DYNC2LI1: variants seen among roughly 807,000 people sequenced by gnomAD.
DYNC2LI1 encodes the protein cytoplasmic dynein 2 light intermediate chain 1.
In DYNC2LI1, 45 loss-of-function variants were observed where a neutral mutation model predicts 51.9. The ratio of observed to expected loss-of-function variants is 0.87; its 90% CI spans 0.68 to 1.11. DYNC2LI1 has a LOEUF of 1.11. Among genes scored for constraint, DYNC2LI1 ranks in the 50% most tolerant of loss-of-function variants. The pLI is 0.00. For missense variants in DYNC2LI1, 490 were observed against 417.4 expected, an observed-to-expected ratio of 1.17 and a Z score of -1.51; for synonymous variants, 130 against 137.8, an observed-to-expected ratio of 0.94 and a Z score of 0.40.
the DYNC2LI1 span, chr2:43,826,583 C>A: frequency 6.2e-7 from 1 of 1,611,344 alleles, no homozygotes; most frequent in South Asian, 1.1e-5. Context: ...GTGCTTAAAA[C>A]TCAGAGTTCT....
chr2:43,824,337 T>C, the DYNC2LI1 span: 6 of 1,614,220 alleles, frequency 3.7e-6, no homozygotes, highest in Non-Finnish European at 5.1e-6. Context: ...TTATGACAAA[T>C]TGCTGATTTC....
intron 2 of DYNC2LI1, 85 bp downstream of exon 2, chr2:43,776,984 A>G (rs1673056547): frequency 1.7e-5 from 12 of 710,770 alleles, no homozygotes; most frequent in Non-Finnish European, 2.9e-5. Context: ...AAATGTAGAT[A>G]CTTCAACACT....
chr2:43,815,895 G>GT, the DYNC2LI1 span, among the ~76,000 whole-genome samples: 1 of 119,918 alleles, frequency 8.3e-6, no homozygotes, highest in African/African-American at 3.5e-5. Flanking sequence ...TGAGGGCAGA[G>GT]TAAGAACAGG....
chr2:43,799,531 A>G lies in DYNC2LI1; in HGVS notation c.655-1310A>G, dbSNP rs148438156. On this transcript the variant is annotated intron_variant, in intron 8 of 12. Transcript: ENST00000260605. ...ATTCTAAGGTCCAGAAAAAGGAATC[A>G]ATAGAGTTTACTCAAAATATGAAAG... Among the ~76,000 whole-genome samples the G allele has an allele frequency of 3.2e-3, 489 of 150,684 alleles. 1 individual carries two copies. Among genetic ancestry groups the G allele is most frequent in the South Asian group, 0.015 (71 of 4,824 alleles).
chr2:43,794,587 A>G lies in DYNC2LI1; in HGVS notation c.451A>G (p.Lys151Glu), dbSNP rs368515052. 1.4e-5 allele frequency: 23 copies of G among 1,614,136 alleles called. No individual in the cohort carries two copies. The African/African-American group carries it at 2.9e-4, about 21-fold the overall frequency. ...AATGAAACTGGGAAAGACAAATGCTAAAGCAGTTTCTGAAATGAGACAGAA... is the reference window on the plus strand; with the variant it reads ...AATGAAACTGGGAAAGACAAATGCTGAAGCAGTTTCTGAAATGAGACAGAA... ...VIMKLGKTNA[K>E]AVSEMRQKIW... The change falls in exon 6 of 13, where the codon AAA becomes GAA. Residue 151 changes from lysine to glutamate, a missense_variant. Lys to Glu is a moderately conservative substitution (Grantham distance 56). Coordinates refer to ENST00000260605, the MANE Select transcript of DYNC2LI1 (RefSeq NM_016008.4).
At chr2:43,822,175 C>T in the DYNC2LI1 span, among the ~76,000 whole-genome samples, 1 of 152,178 alleles carries the variant, frequency 6.6e-6, no homozygotes, top group East Asian at 1.9e-4. Flanking sequence ...CTCCATCTTA[C>T]ACCTTCCCTT....
intron 1 of DYNC2LI1, among the ~76,000 whole-genome samples, chr2:43,775,421 C>T (rs1317158758): frequency 6.6e-6 from 1 of 151,560 alleles, no homozygotes; most frequent in Non-Finnish European, 1.5e-5. Flanking sequence ...AGTTATATAT[C>T]TGTGTAAAGA....
At chr2:43,823,499 G>A in the DYNC2LI1 span, among the ~76,000 whole-genome samples, 1 of 152,116 alleles carries the variant, frequency 6.6e-6, no homozygotes, top group Admixed American at 6.5e-5. Context: ...TTTGTCTCTG[G>A]AATTCCACTG....
the DYNC2LI1 span, chr2:43,822,451 T>C: frequency 1.1e-6 from 1 of 916,202 alleles, no homozygotes; most frequent in Non-Finnish European, 1.3e-6. Context: ...AGGTTTTACA[T>C]TCAGGCTGCT....
intron 3 of DYNC2LI1, among the ~76,000 whole-genome samples, chr2:43,785,744 T>G (rs13427541): frequency 0.12 from 18,720 of 151,582 alleles, 1,516 homozygotes; most frequent in Admixed American, 0.22. Flanking sequence ...TATAGTATGA[T>G]TCCACTTATA....
intron 12 of DYNC2LI1, among the ~76,000 whole-genome samples, chr2:43,807,608 T>G (rs979078934): frequency 6.6e-6 from 1 of 151,866 alleles, no homozygotes; most frequent in African/African-American, 2.4e-5. Context: ...CCCGGGTAAT[T>G]TTTTTGTTTT....
At chr2:43,815,750 C>T in the DYNC2LI1 span, among the ~76,000 whole-genome samples, 22 of 151,998 alleles carry the variant, frequency 1.4e-4, no homozygotes, top group East Asian at 5.8e-4. Flanking sequence ...GAGGGGAGCT[C>T]GGAACAATAG....
chr2:43,774,667 A>G (rs1672928970), intron 1 of DYNC2LI1, among the ~76,000 whole-genome samples: 1 of 152,234 alleles, frequency 6.6e-6, no homozygotes, highest in Non-Finnish European at 1.5e-5. Flanking sequence ...CCTTTTCTCA[A>G]CAATTTATGC....
Position 43,809,838 on chromosome 2 carries a change from A to T in DYNC2LI1, c.*71A>T. ...AATAAGATTATACTGTGAATTAACT[A>T]TTGTGGCAATATGTGAAGAAAGTTA... On this transcript the variant is annotated 3_prime_UTR_variant, in exon 13 of 13. Coordinates refer to ENST00000260605, the MANE Select transcript of DYNC2LI1 (RefSeq NM_016008.4). 6.6e-7 allele frequency: 1 copy of T among 1,526,576 alleles called. No homozygotes were observed. The allele number at this position is 1,526,576 out of a possible 1,614,324, so 94.6% of individuals were successfully genotyped here. A position where few individuals can be genotyped will look rare whatever the true frequency, so the allele number is the denominator to read the frequency against.
At chr2:43,783,486 A>G (rs1163727125) in intron 2 of DYNC2LI1, 34 bp from the exon 3 acceptor site, 21 of 1,486,582 alleles carry the variant, frequency 1.4e-5, no homozygotes, top group Admixed American at 2.4e-5. Flanking sequence ...TATGAGTGAC[A>G]TTAACGCAGT....
chr2:43,777,741 C>T (rs1342240143), intron 2 of DYNC2LI1, among the ~76,000 whole-genome samples: 1 of 152,194 alleles, frequency 6.6e-6, no homozygotes, highest in Non-Finnish European at 1.5e-5. Context: ...CCTGAGCACC[C>T]GTCTTGTCTC....
the DYNC2LI1 span, among the ~76,000 whole-genome samples, chr2:43,827,257 G>T: frequency 2.6e-5 from 4 of 151,642 alleles, no homozygotes; most frequent in Non-Finnish European, 5.9e-5. Flanking sequence ...CCTGGGAGGT[G>T]GAGGTTGCAG....
At chr2:43,824,819 T>C in the DYNC2LI1 span, 71 of 1,596,594 alleles carry the variant, frequency 4.4e-5, no homozygotes, top group Non-Finnish European at 6.0e-5. Context: ...ACTGGTGTCA[T>C]CCAGGCAGAA....
intron 2 of DYNC2LI1, among the ~76,000 whole-genome samples, chr2:43,780,091 G>T (rs115742272): frequency 4.6e-5 from 7 of 152,306 alleles, no homozygotes; most frequent in African/African-American, 7.2e-5. Flanking sequence ...GACTGTTAGT[G>T]GGGGGAAGAG....
Sources: gnomAD v4.1 joint callset for allele counts (sites outside exome capture counted in the v4.1 genomes callset) on GRCh38, gnomAD v4.1.1 for gene constraint, MANE v1.5 for transcripts, NCBI Gene and HGNC (gene_info 2026-07-23, HGNC 2026-07-21) for gene names.